The following MARCHF4 variants were observed in gnomAD, a reference collection of about 807,000 sequenced individuals.
MARCHF4 encodes the protein membrane associated ring-CH-type finger 4.
Under a neutral mutation model 43.9 loss-of-function variants are expected in MARCHF4, and 14 were observed. The observed-to-expected ratio is 0.32, with a 90% confidence interval of 0.21 to 0.50. The LOEUF (loss-of-function observed/expected upper bound fraction) is 0.50, where lower values mean the gene tolerates loss of function less well. Among genes scored for constraint, MARCHF4 ranks in the 20% least tolerant of loss-of-function variants. The pLI, the probability that MARCHF4 is intolerant of heterozygous loss-of-function variation, is 0.98. For synonymous variants in MARCHF4, 226 were observed against 213.3 expected (o/e 1.06, Z -0.52); for missense variants, 468 against 536.7 (o/e 0.87, Z 1.27).
chr2:216,317,902 C>G (rs1691807562), intron 1 of MARCHF4, among the ~76,000 whole-genome samples: 1 of 152,192 alleles, frequency 6.6e-6, no homozygotes, highest in African/African-American at 2.4e-5. Flanking sequence ...ATAGAAAGAT[C>G]TCAGCCATTG....
At chr2:216,280,217 G>C (rs916741238) in intron 2 of MARCHF4, among the ~76,000 whole-genome samples, 5 of 152,058 alleles carry the variant, frequency 3.3e-5, no homozygotes, top group African/African-American at 1.2e-4. Context: ...GCTGGGAGGG[G>C]GAGAAGGACA....
rs376207853 is a variant in MARCHF4, at chr2:216,347,300, A to G, written c.516+22445T>C. On this transcript the variant is annotated intron_variant, in intron 1 of 3. Coordinates refer to ENST00000273067, the MANE Select transcript of MARCHF4 (RefSeq NM_020814.3). The stretch of plus-strand genomic sequence containing the variant: ...GAAGAATTTAAAGCCAATTTTGAGA[A>G]GCAGACTTGGGTGAAAAATGATCAA... Among the ~76,000 whole-genome samples the G allele has an allele frequency of 2.0e-5, 3 of 152,218 alleles. No individual in the cohort carries two copies. In the South Asian group the frequency reaches 6.2e-4, roughly 31 times the overall value.
intron 1 of MARCHF4, among the ~76,000 whole-genome samples, chr2:216,343,082 G>A (rs931914504): frequency 1.3e-4 from 20 of 152,196 alleles, no homozygotes; most frequent in African/African-American, 4.3e-4. Flanking sequence ...GGCTTAAATG[G>A]CAGGCTGTGA....
intron 1 of MARCHF4, among the ~76,000 whole-genome samples, chr2:216,286,732 C>T (rs1284660991): frequency 1.3e-5 from 2 of 152,076 alleles, no homozygotes; most frequent in East Asian, 1.9e-4. Flanking sequence ...CGGGGAAAGC[C>T]CATCATCTTT....
Position 216,330,475 on chromosome 2 carries a change from G to A in MARCHF4, c.516+39270C>T, listed in dbSNP as rs765298728. On this transcript the variant is annotated intron_variant, in intron 1 of 3. Coordinates refer to ENST00000273067, the MANE Select transcript of MARCHF4 (RefSeq NM_020814.3). ...AGAATGATCAGACAAAAAAATTAAC[G>A]AGGATATGAAAGATCTGAAAAACAA... Among the ~76,000 whole-genome samples the A allele has an allele frequency of 3.9e-5, 6 of 152,246 alleles. 1 individual carries two copies. The South Asian group carries it at 1.2e-3, about 32-fold the overall frequency.
intron 1 of MARCHF4, among the ~76,000 whole-genome samples, chr2:216,339,348 C>G (rs1692205330): frequency 6.6e-6 from 1 of 152,228 alleles, no homozygotes; most frequent in Admixed American, 6.5e-5. Context: ...CCATGGTCCT[C>G]TCTCCTCCAT....
At chr2:216,312,914 T>G (rs540474993) in intron 1 of MARCHF4, among the ~76,000 whole-genome samples, 1 of 24,708 alleles carries the variant, frequency 4.0e-5, no homozygotes, top group South Asian at 2.3e-3. Flanking sequence ...GTTTTTGGTT[T>G]TGTTGCTTTG....
At chr2:216,284,460 G>GT (rs895446863) in intron 1 of MARCHF4, among the ~76,000 whole-genome samples, 2 of 152,122 alleles carry the variant, frequency 1.3e-5, no homozygotes, top group African/African-American at 4.8e-5. Context: ...TGAAACCTGT[G>GT]TTTTTTGTTT....
intron 1 of MARCHF4, among the ~76,000 whole-genome samples, chr2:216,312,610 G>T (rs764433093): frequency 6.6e-6 from 1 of 152,080 alleles, no homozygotes; most frequent in Non-Finnish European, 1.5e-5. Context: ...ATCTCATTGT[G>T]GTTTTAATTT....
intron 1 of MARCHF4, among the ~76,000 whole-genome samples, chr2:216,293,993 C>CAAGGAAAA (rs1354593819): frequency 0.065 from 9,922 of 151,716 alleles, 2,226 homozygotes; most frequent in Middle Eastern, 0.096. Flanking sequence ...ACCATTGTTA[C>CAAGGAAAA]CAAACAGCTA....
At chr2:216,326,612 C>T (rs960596225) in intron 1 of MARCHF4, among the ~76,000 whole-genome samples, 22 of 152,036 alleles carry the variant, frequency 1.4e-4, no homozygotes, top group Admixed American at 3.3e-4. Flanking sequence ...ACATATACAC[C>T]GTGGAATACT....
chr2:216,304,889 G>C (rs1691557761), intron 1 of MARCHF4, among the ~76,000 whole-genome samples: 1 of 152,106 alleles, frequency 6.6e-6, no homozygotes, highest in Admixed American at 6.5e-5. Flanking sequence ...AGGAGGTGGA[G>C]GTTGCAGTGA....
In MARCHF4 at chr2:216,323,126, T is replaced by A. The variant is rs73066456; in HGVS notation, c.517-39397A>T. Among the ~76,000 whole-genome samples the A allele has an allele frequency of 7.4e-3, 1,123 of 152,294 alleles. 10 individuals are homozygous for A. The highest frequency in any genetic ancestry group is 0.026 in the African/African-American group (1,065 of 41,556). On this transcript the variant is annotated intron_variant, in intron 1 of 3. Coordinates refer to ENST00000273067, the MANE Select transcript of MARCHF4 (RefSeq NM_020814.3). ...TTGAATAAGCAAAGTGTGTTCCTCA[T>A]TAGATGTTCAAACTGATACCCTAGT...
intron 1 of MARCHF4, 65 bp downstream of exon 1, chr2:216,369,680 G>T: frequency 7.5e-7 from 1 of 1,332,586 alleles, no homozygotes; most frequent in Non-Finnish European, 1.0e-6. Flanking sequence ...GGGCAAGCAG[G>T]CGAGTAGCAA....
At chr2:216,287,058 T>C (rs906246297) in intron 1 of MARCHF4, among the ~76,000 whole-genome samples, 6 of 152,152 alleles carry the variant, frequency 3.9e-5, no homozygotes, top group Non-Finnish European at 7.3e-5. Context: ...CCACCTTCCA[T>C]CCTCTGGATC....
chr2:216,356,627 T>C lies in MARCHF4; in HGVS notation c.516+13118A>G, dbSNP rs1209966586. 2.0e-5 allele frequency among the ~76,000 whole-genome samples: 3 copies of C among 152,370 alleles called. No homozygotes were observed. The East Asian group carries it at 5.8e-4, about 29-fold the overall frequency. On this transcript the variant is annotated intron_variant, in intron 1 of 3. Coordinates refer to ENST00000273067, the MANE Select transcript of MARCHF4 (RefSeq NM_020814.3). ...CAAATCTATGCTCTTTTTGCTATAC[T>C]GGTAATTCACAATTATTCCAAGTCT...
intron 1 of MARCHF4, among the ~76,000 whole-genome samples, chr2:216,305,916 T>G (rs2105952810): frequency 6.6e-6 from 1 of 152,254 alleles, no homozygotes. Flanking sequence ...ATCCCACATA[T>G]CTAATCTAAA....
At chr2:216,319,844 A>G (rs1691850850) in intron 1 of MARCHF4, among the ~76,000 whole-genome samples, 1 of 151,886 alleles carries the variant, frequency 6.6e-6, no homozygotes, top group Non-Finnish European at 1.5e-5. Flanking sequence ...CAGGCTCACT[A>G]CTCTCAGGAT....
chr2:216,320,126 G>C (rs189912613), intron 1 of MARCHF4, among the ~76,000 whole-genome samples: 100 of 152,248 alleles, frequency 6.6e-4, no homozygotes, highest in Non-Finnish European at 3.8e-4. Flanking sequence ...AAGACACAAA[G>C]ATATATTTAG....
Sources: gnomAD v4.1 joint callset for allele counts (sites outside exome capture counted in the v4.1 genomes callset) on GRCh38, gnomAD v4.1.1 for gene constraint, MANE v1.5 for transcripts, NCBI Gene and HGNC (gene_info 2026-07-23, HGNC 2026-07-21) for gene names.